The following ZNF532 variants were observed in gnomAD, a reference collection of about 807,000 sequenced individuals.
The protein encoded by ZNF532 is zinc finger protein 532.
A neutral mutation model predicts 89.3 loss-of-function variants in ZNF532; 22 were observed. The ratio of observed to expected loss-of-function variants is 0.25; its 90% CI spans 0.18 to 0.35. The LOEUF (loss-of-function observed/expected upper bound fraction) is 0.35, where lower values mean the gene tolerates loss of function less well. Among genes scored for constraint, ZNF532 ranks in the 10% least tolerant of loss-of-function variants. The pLI is 1.00. For synonymous variants in ZNF532, 606 were observed against 649.6 expected (o/e 0.93, Z 1.02); for missense variants, 1,132 against 1,643.4 (o/e 0.69, Z 5.38).
intron 7 of ZNF532, among the ~76,000 whole-genome samples, chr18:58,964,575 GTGTGTA>G (rs1342023514): frequency 1.5e-5 from 2 of 136,336 alleles, no homozygotes. Flanking sequence ...GTGTGTGTGT[GTGTGTA>G]TACACAGTTT....
rs370491909 is a variant in ZNF532 at position 58,970,218 on chromosome 18, C to T, written c.3151-8837C>T. Among the ~76,000 whole-genome samples, 33 of 152,106 alleles carry T rather than the reference C, an allele frequency of 2.2e-4. No individual in the cohort carries two copies. In the East Asian group the frequency reaches 2.5e-3, roughly 12 times the overall value. On this transcript the variant is annotated intron_variant, in intron 7 of 9. Coordinates refer to ENST00000591808, the MANE Select transcript of ZNF532 (RefSeq NM_001375912.1). ...CTTTTATAAAATACTAGCTATTATA[C>T]GGGGAAAAAAATCTTTCACAGTGAC...
At chr18:58,964,943 A>T (rs567759335) in intron 7 of ZNF532, among the ~76,000 whole-genome samples, 307 of 148,950 alleles carry the variant, frequency 2.1e-3, no homozygotes, top group African/African-American at 7.2e-3. Flanking sequence ...TTTACTTCAT[A>T]TATTTCTTAT....
rs188457399 is a variant in ZNF532, at chr18:58,927,985, G to A, written c.2347-6448G>A. ...GCGTCTTTTACCTTTCACATCTGGT[G>A]GGCTGAGCCTCTTTTAAGACCTTAA... is the stretch of plus-strand genomic sequence containing the variant. On this transcript the variant is annotated intron_variant, in intron 3 of 9. Transcript: ENST00000591808. Among the ~76,000 whole-genome samples, 9 of 152,294 alleles carry A rather than the reference G, an allele frequency of 5.9e-5. 1 individual carries two copies. In the East Asian group the frequency reaches 1.7e-3, roughly 29 times the overall value.
chr18:58,884,979 G>GTTTTTTT (rs34689408), intron 2 of ZNF532, among the ~76,000 whole-genome samples: 10 of 138,106 alleles, frequency 7.2e-5, no homozygotes, highest in African/African-American at 8.0e-5. Context: ...CAGTACAAGG[G>GTTTTTTT]TTTTTTTTTT....
chr18:58,866,647 G>C (rs1012915765), intron 2 of ZNF532, among the ~76,000 whole-genome samples: 1 of 152,222 alleles, frequency 6.6e-6, no homozygotes, highest in African/African-American at 2.4e-5. Context: ...CAGAATAGGG[G>C]CTTTTCAGCA....
At chr18:58,959,001 TCAAA>T (rs2065061957) in intron 7 of ZNF532, among the ~76,000 whole-genome samples, 1 of 152,198 alleles carries the variant, frequency 6.6e-6, no homozygotes, top group Non-Finnish European at 1.5e-5. Context: ...TTCTTAGAGA[TCAAA>T]CATTCTGTAA....
At chr18:58,875,679 G>A (rs1020910910) in intron 2 of ZNF532, among the ~76,000 whole-genome samples, 7 of 152,082 alleles carry the variant, frequency 4.6e-5, no homozygotes, top group Non-Finnish European at 1.0e-4. Flanking sequence ...CCCCTGTAAG[G>A]TTATACTTCA....
At chr18:58,965,322 T>C (rs1162240834) in intron 7 of ZNF532, among the ~76,000 whole-genome samples, 3 of 152,210 alleles carry the variant, frequency 2.0e-5, no homozygotes, top group Non-Finnish European at 2.9e-5. Context: ...AGCAGGCTCC[T>C]GAGGGGAGAC....
chr18:58,932,033 G>T (rs1287534374), intron 3 of ZNF532, among the ~76,000 whole-genome samples: 1 of 152,194 alleles, frequency 6.6e-6, no homozygotes, highest in Non-Finnish European at 1.5e-5. Context: ...GTAACTAAGT[G>T]TCTGTACGTG....
intron 2 of ZNF532, among the ~76,000 whole-genome samples, chr18:58,904,893 G>A (rs2059831016): frequency 6.6e-6 from 1 of 150,406 alleles, no homozygotes; most frequent in Non-Finnish European, 1.5e-5. Context: ...CCAGGCTGGA[G>A]TGTAGTGGCA....
intron 2 of ZNF532, among the ~76,000 whole-genome samples, chr18:58,868,395 T>C (rs1386947259): frequency 1.3e-5 from 2 of 152,230 alleles, no homozygotes; most frequent in African/African-American, 4.8e-5. Context: ...TTTTGGCATA[T>C]GTGTAGAGTC....
At chr18:58,962,445 C>G (rs949641205) in intron 7 of ZNF532, among the ~76,000 whole-genome samples, 2 of 152,100 alleles carry the variant, frequency 1.3e-5, no homozygotes, top group Non-Finnish European at 2.9e-5. Flanking sequence ...AACAGAACTT[C>G]TAGGAAGAAG....
At chr18:58,882,941 TG>T (rs2058037223) in intron 2 of ZNF532, among the ~76,000 whole-genome samples, 1 of 152,206 alleles carries the variant, frequency 6.6e-6, no homozygotes, top group Admixed American at 6.5e-5. Context: ...TGTGTGTGTG[TG>T]TATTTAATCT....
intron 2 of ZNF532, among the ~76,000 whole-genome samples, chr18:58,904,765 C>T (rs1217887167): frequency 3.3e-5 from 5 of 151,622 alleles, no homozygotes; most frequent in Admixed American, 6.6e-5. Context: ...TGGCTGTAGT[C>T]GTGGAAGATA....
At chr18:58,926,759 A>G (rs1392990325) in intron 3 of ZNF532, among the ~76,000 whole-genome samples, 2 of 152,106 alleles carry the variant, frequency 1.3e-5, no homozygotes, top group South Asian at 2.1e-4. Flanking sequence ...AATAATTTTT[A>G]TATATTTTTT....
At chr18:58,916,704 G>A (rs1350562186) in intron 2 of ZNF532, 2 of 985,408 alleles carry the variant, frequency 2.0e-6, no homozygotes, top group Middle Eastern at 5.2e-4. Context: ...AAATTCTTCA[G>A]TGTGTTTGGA....
intron 2 of ZNF532, among the ~76,000 whole-genome samples, chr18:58,907,766 C>T (rs1180538411): frequency 1.3e-5 from 2 of 152,128 alleles, no homozygotes; most frequent in African/African-American, 4.8e-5. Context: ...ATTCTGATCT[C>T]TCCCAAGGCT....
At chr18:58,963,990 C>T (rs927936524) in intron 7 of ZNF532, 5 of 152,106 alleles carry the variant, frequency 3.3e-5, no homozygotes, top group African/African-American at 9.7e-5. Flanking sequence ...TTTCTGTCTT[C>T]GTGCTGTACT....
At chr18:58,882,926 C>T (rs916545943) in intron 2 of ZNF532, among the ~76,000 whole-genome samples, 5 of 150,814 alleles carry the variant, frequency 3.3e-5, no homozygotes, top group Non-Finnish European at 5.9e-5. Flanking sequence ...GAAAAGAAAT[C>T]AGGCTGTGTG....
Sources: allele counts gnomAD v4.1 joint callset (sites outside exome capture counted in the v4.1 genomes callset), GRCh38; gene constraint gnomAD v4.1.1; transcripts MANE v1.5; gene names NCBI Gene and HGNC (gene_info 2026-07-23, HGNC 2026-07-21).